Variants in TACR1 observed in about 807,000 individuals in gnomAD.
TACR1 encodes the protein substance-P receptor.
In TACR1, 25 loss-of-function variants were observed where a neutral mutation model predicts 35.8. The observed-to-expected ratio is 0.70, with a 90% CI of 0.51 to 0.98. The LOEUF is 0.98. Among genes scored for constraint, TACR1 ranks in the 50% least tolerant of loss-of-function variants. The probability of loss-of-function intolerance (pLI) is 0.00; values close to 1 mark genes in which losing one functional copy is unlikely to be tolerated. For synonymous variants in TACR1, 195 were observed against 206.7 expected (o/e 0.94, Z 0.48); for missense variants, 478 against 522.9 (o/e 0.91, Z 0.84).
At chr2:75,087,765 A>AT (rs1237511200) in intron 2 of TACR1, among the ~76,000 whole-genome samples, 2 of 152,228 alleles carry the variant, frequency 1.3e-5, no homozygotes, top group Admixed American at 1.3e-4. Flanking sequence ...TCATTTAGAC[A>AT]TAACTGGTCT....
rs140071571 is a variant in TACR1, at chr2:75,096,692, C to T, written c.584+23882G>A. Among the ~76,000 whole-genome samples, 132 of 152,338 alleles carry T rather than the reference C, an allele frequency of 8.7e-4. 1 individual carries two copies. The highest frequency in any genetic ancestry group is 3.4e-3 in the Middle Eastern group (1 of 292). On this transcript the variant is annotated intron_variant, in intron 2 of 4. Transcript: ENST00000305249. ...GGTTCAGCTGGGGCCTTACTACACC[C>T]TCCCATGTTGTTTATGGTATACATT... is the stretch of plus-strand genomic sequence containing the variant.
chr2:75,111,164 AT>A (rs1258379856), intron 2 of TACR1, among the ~76,000 whole-genome samples: 1 of 151,958 alleles, frequency 6.6e-6, no homozygotes, highest in Admixed American at 6.5e-5. Context: ...GTTTCCTGAT[AT>A]ATAGAATTTA....
chr2:75,170,187 G>A (rs1241005080), intron 1 of TACR1, among the ~76,000 whole-genome samples: 1 of 152,172 alleles, frequency 6.6e-6, no homozygotes, highest in Non-Finnish European at 1.5e-5. Context: ...ACTGTTGGGA[G>A]GTAATTGAGT....
intron 4 of TACR1, among the ~76,000 whole-genome samples, chr2:75,050,222 CCTTTA>C (rs894570530): frequency 7.9e-5 from 12 of 152,276 alleles, no homozygotes; most frequent in Non-Finnish European, 1.6e-4. Context: ...GAAGAATTAA[CCTTTA>C]CTTAAAGGCG....
chr2:75,135,671 A>T (rs1179496702), intron 1 of TACR1, among the ~76,000 whole-genome samples: 2 of 152,204 alleles, frequency 1.3e-5, no homozygotes, highest in Non-Finnish European at 2.9e-5. Flanking sequence ...GGAGAAAGTA[A>T]ATTGGAGTAG....
At chr2:75,193,951 A>G (rs371216883) in intron 1 of TACR1, among the ~76,000 whole-genome samples, 10 of 152,316 alleles carry the variant, frequency 6.6e-5, no homozygotes, top group African/African-American at 2.2e-4. Flanking sequence ...GATAGACTGA[A>G]TATCTTTATC....
rs1243336044 is a variant in TACR1, at chr2:75,047,743, G to A, written c.*1689C>T. ...TGCTGCTTTAGAGAATGTAGTTCTT[G>A]AGGTTTTCTGGCTTATACTGTTTCT... On this transcript the variant is annotated 3_prime_UTR_variant, in exon 5 of 5. Coordinates refer to ENST00000305249, the MANE Select transcript of TACR1 (RefSeq NM_001058.4). 1 of 152,236 alleles carries A rather than the reference G, an allele frequency of 6.6e-6. No homozygotes were observed. The highest frequency in any genetic ancestry group is 6.5e-5 in the Admixed American group (1 of 15,284). 9.4% of individuals were successfully genotyped at this position (152,236 alleles called of 1,614,324 possible).
At chr2:75,136,127 C>T (rs1041077193) in intron 1 of TACR1, among the ~76,000 whole-genome samples, 1 of 152,130 alleles carries the variant, frequency 6.6e-6, no homozygotes, top group African/African-American at 2.4e-5. Flanking sequence ...GGAACTTGGG[C>T]CTTGTAGAAA....
rs751075981 is a variant in TACR1, at chr2:75,198,699, GC to G, written c.235del (p.Ala79ProfsTer10). On this transcript the variant is annotated frameshift_variant, in exon 1 of 5. Transcript: ENST00000305249. LOFTEE classifies it high-confidence loss of function. Reference sequence around the variant, plus strand: ...CACTGTATTGAATGCAGCCATGGAGGCCTCCGCGAAGGCCAGGTTCACCAGA... The same window carrying G: ...CACTGTATTGAATGCAGCCATGGAGGCTCCGCGAAGGCCAGGTTCACCAGA... ...YFLVNLAFAE[A>X]SMAAFNTVVN... 6.8e-6 allele frequency: 11 copies of G among 1,614,102 alleles called. No homozygotes were observed. In the Middle Eastern group the frequency reaches 9.9e-4, roughly 145 times the overall value.
At chr2:75,137,670 A>G (rs1016345842) in intron 1 of TACR1, among the ~76,000 whole-genome samples, 8 of 137,144 alleles carry the variant, frequency 5.8e-5, no homozygotes, top group South Asian at 2.5e-4. Context: ...CGGAGCTTGC[A>G]GTAAGCCAGG....
chr2:75,173,920 C>T (rs912512607), intron 1 of TACR1, among the ~76,000 whole-genome samples: 2 of 152,184 alleles, frequency 1.3e-5, no homozygotes, highest in Non-Finnish European at 2.9e-5. Context: ...GCCACTTGGC[C>T]TTCCCAGAGG....
intron 2 of TACR1, among the ~76,000 whole-genome samples, chr2:75,104,956 C>T (rs1210939511): frequency 2.6e-5 from 4 of 151,886 alleles, no homozygotes; most frequent in Non-Finnish European, 5.9e-5. Flanking sequence ...AATATTACAG[C>T]CATTGTGGAA....
chr2:75,092,631 ACTGAACCGACTGTGTCCAGCCACCAAAG>A (rs539407141), intron 2 of TACR1, among the ~76,000 whole-genome samples: 2,696 of 152,136 alleles, frequency 0.018, 40 homozygotes, highest in South Asian at 0.03. Context: ...GGTCAGAATA[ACTGAACCGACTGTGTCCAGCCACCAAAG>A]CTCACCTGTC....
intron 1 of TACR1, among the ~76,000 whole-genome samples, chr2:75,134,287 G>A (rs1218313040): frequency 6.6e-6 from 1 of 152,136 alleles, no homozygotes; most frequent in East Asian, 1.9e-4. Context: ...CCTGGATCGG[G>A]ATGCCTTTCT....
At chr2:75,163,965 GA>G (rs200329139) in intron 1 of TACR1, among the ~76,000 whole-genome samples, 61 of 150,716 alleles carry the variant, frequency 4.0e-4, no homozygotes, top group African/African-American at 9.0e-4. Context: ...CCCTTGTCTT[GA>G]AAAAAAAAAT....
chr2:75,103,160 A>G (rs559766481), intron 2 of TACR1, among the ~76,000 whole-genome samples: 1 of 152,314 alleles, frequency 6.6e-6, no homozygotes, highest in South Asian at 2.1e-4. Context: ...AAAAATAACA[A>G]TAATATACCT....
chr2:75,193,977 T>C (rs1211269698), intron 1 of TACR1, among the ~76,000 whole-genome samples: 2 of 152,234 alleles, frequency 1.3e-5, no homozygotes, highest in Non-Finnish European at 2.9e-5. Flanking sequence ...TTGATGGTGT[T>C]TCTGTCTCAT....
intron 2 of TACR1, among the ~76,000 whole-genome samples, chr2:75,088,812 G>A (rs763893236): frequency 7.2e-5 from 11 of 151,930 alleles, no homozygotes; most frequent in Non-Finnish European, 1.3e-4. Context: ...CTTTATTCCC[G>A]TGGCTTGGGT....
intron 1 of TACR1, among the ~76,000 whole-genome samples, chr2:75,173,631 G>A (rs1675344224): frequency 6.6e-6 from 1 of 152,118 alleles, no homozygotes; most frequent in Non-Finnish European, 1.5e-5. Context: ...ATGAAGCTGG[G>A]GAAAAAGGAG....
Sources: gnomAD v4.1 joint callset for allele counts (sites outside exome capture counted in the v4.1 genomes callset) on GRCh38, gnomAD v4.1.1 for gene constraint, MANE v1.5 for transcripts, NCBI Gene and HGNC (gene_info 2026-07-23, HGNC 2026-07-21) for gene names.